LIPI: variants seen among roughly 807,000 people sequenced by gnomAD.
LIPI encodes the protein lipase member I.
Under a neutral mutation model 50.6 loss-of-function variants are expected in LIPI, and 59 were observed. The ratio of observed to expected loss-of-function variants is 1.16; its 90% CI spans 0.94 to 1.45. LIPI has a LOEUF of 1.45. Among genes scored for constraint, LIPI ranks in the 40% most tolerant of loss-of-function variants. The pLI is 0.00. For missense variants in LIPI, 586 were observed against 536.3 expected, an observed-to-expected ratio of 1.09 and a Z score of -0.92; for synonymous variants, 203 against 178.2, an observed-to-expected ratio of 1.14 and a Z score of -1.11.
intron 4 of LIPI, among the ~76,000 whole-genome samples, chr21:14,181,440 G>A (rs1416264397): frequency 6.6e-6 from 1 of 152,034 alleles, no homozygotes; most frequent in Non-Finnish European, 1.5e-5. Flanking sequence ...TTAAACATGG[G>A]GGAAAATGTG....
chr21:14,135,319 C>T (rs60607364), intron 9 of LIPI, among the ~76,000 whole-genome samples: 49,379 of 151,618 alleles, frequency 0.33, 8,097 homozygotes, highest in East Asian at 0.45. Flanking sequence ...AGTATCTACA[C>T]GGAAAAAAAC....
intron 4 of LIPI, among the ~76,000 whole-genome samples, chr21:14,179,685 T>A (rs2019205269): frequency 6.6e-6 from 1 of 152,194 alleles, no homozygotes; most frequent in South Asian, 2.1e-4. Context: ...CAAATAATAC[T>A]TTTATAACTT....
chr21:14,135,700 C>T (rs1017311325), intron 9 of LIPI, among the ~76,000 whole-genome samples: 2 of 152,066 alleles, frequency 1.3e-5, no homozygotes, highest in African/African-American at 4.8e-5. Context: ...GTACTCTTTG[C>T]CTCTAAGTAA....
intron 4 of LIPI, among the ~76,000 whole-genome samples, chr21:14,167,551 G>C (rs2018735398): frequency 6.6e-6 from 1 of 152,190 alleles, no homozygotes; most frequent in African/African-American, 2.4e-5. Flanking sequence ...AGCATTCGCA[G>C]TTCACGAAAA....
Position 14,184,836 on chromosome 21 carries a change from A to G in LIPI, c.541+1125T>C, listed in dbSNP as rs560046026. Among the ~76,000 whole-genome samples the G allele has an allele frequency of 1.3e-5, 2 of 152,306 alleles. 1 individual carries two copies. Among genetic ancestry groups the G allele is most frequent in the South Asian group, 4.1e-4 (2 of 4,828 alleles). On this transcript the variant is annotated intron_variant, in intron 3 of 9. Transcript: ENST00000681601. ...TAAACTGCTATTTCTTGACCCTCCT[A>G]CATTCATTCAGTTAATTTGTTTTCA...
chr21:14,203,856 G>GAAAGAA (rs371081707), intron 1 of LIPI, among the ~76,000 whole-genome samples: 76,406 of 151,130 alleles, frequency 0.51, 19,654 homozygotes, highest in Non-Finnish European at 0.56. Context: ...ATAATAAAAA[G>GAAAGAA]AGAAAGAAAG....
intron 2 of LIPI, among the ~76,000 whole-genome samples, chr21:14,186,894 C>G (rs369655687): frequency 1.5e-4 from 23 of 152,204 alleles, no homozygotes; most frequent in Admixed American, 1.0e-3. Context: ...CTTCTCAGAC[C>G]CTGAAACTAT....
chr21:14,148,440 A>AT (rs148300971), intron 8 of LIPI, among the ~76,000 whole-genome samples: 4 of 152,284 alleles, frequency 2.6e-5, no homozygotes, highest in East Asian at 3.9e-4. Context: ...CTGCACAATG[A>AT]TTTTTTTGTC....
chr21:14,142,442 A>G (rs1406551156), intron 9 of LIPI, among the ~76,000 whole-genome samples: 2 of 149,574 alleles, frequency 1.3e-5, no homozygotes, highest in African/African-American at 2.4e-5. Context: ...ATTATGTATT[A>G]TATAAGTATA....
At chr21:14,113,632 G>GA (rs200489705) in intron 9 of LIPI, among the ~76,000 whole-genome samples, 1 of 133,110 alleles carries the variant, frequency 7.5e-6, no homozygotes, top group South Asian at 2.4e-4. Context: ...GAGGAACACA[G>GA]AAAAAAAATC....
intron 8 of LIPI, among the ~76,000 whole-genome samples, chr21:14,149,454 C>T (rs1439543207): frequency 6.6e-6 from 1 of 152,136 alleles, no homozygotes; most frequent in East Asian, 1.9e-4. Context: ...CTTCCCAAAT[C>T]TCATGTTCTC....
At chr21:14,208,837 A>G (rs1197609841) in intron 1 of LIPI, among the ~76,000 whole-genome samples, 1 of 152,172 alleles carries the variant, frequency 6.6e-6, no homozygotes, top group Non-Finnish European at 1.5e-5. Context: ...AGATCACTTG[A>G]GCCCAAGAGT....
chr21:14,181,857 G>A lies in LIPI; in HGVS notation c.544C>T (p.Leu182Phe). ...GAGAACCTTGGCCCAGCAGGGTCAA[G>A]ACCTGGAAAGCAAGAAAGAAATAAT... ...FHGQLGRITG[L>F]DPAGPRFSRK... The change falls in exon 4 of 10, where the codon CTT becomes TTT. Residue 182 changes from leucine to phenylalanine, a missense_variant and splice_region_variant. Coordinates refer to ENST00000681601, the MANE Select transcript of LIPI (RefSeq NM_001302998.2). 6.3e-7 allele frequency: 1 copy of A among 1,580,848 alleles called. No individual in the cohort carries two copies. Among genetic ancestry groups the A allele is most frequent in the Non-Finnish European group, 8.7e-7 (1 of 1,150,664 alleles).
chr21:14,164,069 TTA>T (rs2123150998), intron 6 of LIPI, among the ~76,000 whole-genome samples: 1 of 150,372 alleles, frequency 6.7e-6, no homozygotes, highest in Non-Finnish European at 1.5e-5. Flanking sequence ...TATAAAATAT[TTA>T]TTATATATAA....
chr21:14,203,626 T>C (rs936950161), intron 1 of LIPI, among the ~76,000 whole-genome samples: 24 of 151,978 alleles, frequency 1.6e-4, no homozygotes, highest in Non-Finnish European at 2.2e-4. Context: ...TAGGTGGGAA[T>C]TGAACAATGA....
intron 3 of LIPI, among the ~76,000 whole-genome samples, 165 bp downstream of exon 3, chr21:14,185,796 T>A (rs560826040): frequency 1.3e-5 from 2 of 151,316 alleles, no homozygotes; most frequent in Admixed American, 1.3e-4. Flanking sequence ...GGCAGGAGAA[T>A]CACTTAAGCC....
chr21:14,132,567 CA>C (rs1217150137), intron 9 of LIPI, among the ~76,000 whole-genome samples: 2 of 152,054 alleles, frequency 1.3e-5, no homozygotes, highest in Non-Finnish European at 2.9e-5. Context: ...AGGAAATGCT[CA>C]AAGGGATCCT....
chr21:14,130,272 G>A (rs930435733), intron 9 of LIPI, among the ~76,000 whole-genome samples: 5 of 152,072 alleles, frequency 3.3e-5, no homozygotes, highest in Non-Finnish European at 7.4e-5. Flanking sequence ...CCCTGGATGC[G>A]GAAGTTGCAG....
At chr21:14,132,205 G>T (rs1192490476) in intron 9 of LIPI, among the ~76,000 whole-genome samples, 1 of 152,102 alleles carries the variant, frequency 6.6e-6, no homozygotes, top group Non-Finnish European at 1.5e-5. Flanking sequence ...GCAAATACAG[G>T]AGTCCCACTA....
Sources: gnomAD v4.1 joint callset for allele counts (sites outside exome capture counted in the v4.1 genomes callset) on GRCh38, gnomAD v4.1.1 for gene constraint, MANE v1.5 for transcripts, NCBI Gene and HGNC (gene_info 2026-07-23, HGNC 2026-07-21) for gene names.